The following RELB variants were observed in gnomAD, a reference collection of about 807,000 sequenced individuals.
The protein encoded by RELB is transcription factor RelB.
In RELB, 14 loss-of-function variants were observed where a neutral mutation model predicts 55.4. That is an observed-to-expected ratio of 0.25 (90% CI 0.17 to 0.40). RELB has a LOEUF of 0.40. Among genes scored for constraint, RELB ranks in the 10% least tolerant of loss-of-function variants. The pLI, the probability that RELB is intolerant of heterozygous loss-of-function variation, is 1.00. For missense variants in RELB, 669 were observed against 830.7 expected (o/e 0.81, Z 2.39); for synonymous variants, 409 against 371.3 (o/e 1.10, Z -1.17).
intron 5 of RELB, among the ~76,000 whole-genome samples, chr19:45,022,950 T>G (rs1971508101): frequency 6.6e-6 from 1 of 152,156 alleles, no homozygotes; most frequent in Non-Finnish European, 1.5e-5. Flanking sequence ...CTTTGAGCAT[T>G]TTTTCATAGT....
intron 2 of RELB, among the ~76,000 whole-genome samples, chr19:45,004,657 C>T (rs543786855): frequency 3.3e-4 from 50 of 151,030 alleles, no homozygotes; most frequent in Admixed American, 2.0e-4. Flanking sequence ...CACCTGAGGT[C>T]GGGAGTTCTA....
At chr19:45,016,659 GA>G (rs1971424159) in intron 4 of RELB, among the ~76,000 whole-genome samples, 1 of 151,966 alleles carries the variant, frequency 6.6e-6, no homozygotes, top group Non-Finnish European at 1.5e-5. Context: ...TCTCAAAAAA[GA>G]AAAAGGAAAA....
In RELB at chr19:45,037,571, G is replaced by A. The variant is rs746973860; in HGVS notation, c.1521G>A (p.Pro507=). ...TLFTMLDLLP[P]APPHASAVVC... ...TCACCATGCTGGACCTGCTGCCCCC[G>A]GCACCGCCACACGCTAGCGCTGTTG... is the stretch of plus-strand genomic sequence containing the variant. The change falls in exon 12 of 12, where the codon CCG becomes CCA. Residue 507 remains proline, a synonymous_variant. Transcript: ENST00000221452. 1.3e-5 allele frequency: 21 copies of A among 1,612,386 alleles called. No homozygotes were observed. Among genetic ancestry groups the A allele is most frequent in the African/African-American group, 6.7e-5 (5 of 74,820 alleles).
chr19:45,009,481 A>G (rs1971323204), intron 2 of RELB, among the ~76,000 whole-genome samples: 1 of 152,086 alleles, frequency 6.6e-6, no homozygotes, highest in African/African-American at 2.4e-5. Flanking sequence ...TTGGGCATCC[A>G]CTTTTTCCTG....
chr19:45,010,436 GA>G (rs1164050667), intron 3 of RELB, among the ~76,000 whole-genome samples: 3 of 151,690 alleles, frequency 2.0e-5, no homozygotes, highest in African/African-American at 7.3e-5. Context: ...TCGCAGAGCT[GA>G]TAGCCCGGTG....
intron 11 of RELB, 81 bp from the exon 12 acceptor site, chr19:45,037,324 G>T: frequency 7.3e-7 from 1 of 1,371,494 alleles, no homozygotes; most frequent in Non-Finnish European, 9.6e-7. Context: ...ACATTTTGCA[G>T]GGAGTAGGGC....
At position 45,021,914 on chromosome 19, in the gene RELB, G is replaced by A. The variant is rs369886295; in HGVS notation, c.505-139G>A. On this transcript the variant is annotated intron_variant, in intron 4 of 11. Coordinates refer to ENST00000221452, the MANE Select transcript of RELB (RefSeq NM_006509.4). ...GCAAACACATTCCATCATCCTGGTCGCGGGAGAAGGTTGGGGAGCTCCCAA... is the reference window on the plus strand; with the variant it reads ...GCAAACACATTCCATCATCCTGGTCACGGGAGAAGGTTGGGGAGCTCCCAA... 11 of 811,720 alleles carry A rather than the reference G, an allele frequency of 1.4e-5. No homozygotes were observed. The East Asian group carries it at 1.8e-4, about 13-fold the overall frequency. 50.3% of individuals were successfully genotyped at this position (811,720 alleles called of 1,614,324 possible). A position where few individuals can be genotyped will look rare whatever the true frequency, so the allele number is the denominator to read the frequency against.
intron 5 of RELB, among the ~76,000 whole-genome samples, chr19:45,024,952 C>T (rs1308056829): frequency 1.3e-5 from 2 of 152,038 alleles, no homozygotes; most frequent in South Asian, 2.1e-4. Flanking sequence ...CTCTGCCTCC[C>T]GGGTTCAAGT....
At position 45,018,881 on chromosome 19, in the gene RELB, G is replaced by A. The variant is rs4803788; in HGVS notation, c.505-3172G>A. On this transcript the variant is annotated intron_variant, in intron 4 of 11. Transcript: ENST00000221452. ...AGTAGAGACGGGGTTTCTCCATGTC[G>A]GTCAGGCTGGTCTCGAATTCCTGAC... 8.8e-4 allele frequency among the ~76,000 whole-genome samples: 133 copies of A among 151,806 alleles called. 1 individual carries two copies. Among genetic ancestry groups the A allele is most frequent in the East Asian group, 1.4e-3 (7 of 5,072 alleles).
Position 45,025,319 on chromosome 19 carries a change from A to T in RELB, c.663-10A>T. On this transcript the variant is annotated splice_polypyrimidine_tract_variant and intron_variant, in intron 5 of 11. Coordinates refer to ENST00000221452, the MANE Select transcript of RELB (RefSeq NM_006509.4). ...CGAGCACTCCTCTCCCTCCCCCGTCACCCCCTCAGTTTTAACAACCTGGGC... is the reference window on the plus strand; with the variant it reads ...CGAGCACTCCTCTCCCTCCCCCGTCTCCCCCTCAGTTTTAACAACCTGGGC... 4 of 1,602,674 alleles carry T rather than the reference A, an allele frequency of 2.5e-6. No individual in the cohort carries two copies. The highest frequency in any genetic ancestry group is 3.4e-6 in the Non-Finnish European group (4 of 1,173,824).
intron 8 of RELB, among the ~76,000 whole-genome samples, chr19:45,029,657 C>T (rs1971598251): frequency 6.6e-6 from 1 of 152,012 alleles, no homozygotes; most frequent in African/African-American, 2.4e-5. Context: ...CGACACCAGC[C>T]TCCCAACATG....
chr19:45,012,297 C>A, intron 4 of RELB, 21 bp downstream of exon 4: 1 of 1,365,926 alleles, frequency 7.3e-7, no homozygotes, highest in East Asian at 2.9e-5. Flanking sequence ...CGAGCGGCCC[C>A]GGGCGGGTGG....
In RELB at chr19:45,028,895, A is replaced by T. The variant is rs540606496; in HGVS notation, c.894A>T (p.Thr298=). The T allele has an allele frequency of 1.3e-6, 2 of 1,592,944 alleles. No individual in the cohort carries two copies. The highest frequency in any genetic ancestry group is 1.8e-5 in the Admixed American group (1 of 56,326). ...LSEPVYDKKS[T]NTSELRICRI... ...CCTCTTGCTCCTTCCCAGAATCCAC[A>T]AACACATCAGAGCTGCGGATTTGCC... The change falls in exon 8 of 12, where the codon ACA becomes ACT. Residue 298 remains threonine (T), a synonymous_variant. Transcript: ENST00000221452.
chr19:45,019,608 C>CA (rs1971459416), intron 4 of RELB, among the ~76,000 whole-genome samples: 1 of 152,114 alleles, frequency 6.6e-6, no homozygotes, highest in South Asian at 2.1e-4. Context: ...AGGATTTAAC[C>CA]AAGGATCATG....
intron 5 of RELB, 148 bp downstream of exon 5, chr19:45,022,358 T>C (rs991573842): frequency 2.4e-5 from 17 of 723,302 alleles, no homozygotes; most frequent in East Asian, 1.1e-4. Context: ...CTGGGGACAG[T>C]GGAGGGCCTC....
Position 45,032,706 on chromosome 19 carries a change from C to T in RELB, c.1164C>T (p.Val388=). 1 of 1,609,306 alleles carries T rather than the reference C, an allele frequency of 6.2e-7. No individual in the cohort carries two copies. The highest frequency in any genetic ancestry group is 8.5e-7 in the Non-Finnish European group (1 of 1,178,114). ...NVFLQRLTDG[V]CSEPLPFTYL... ...TCCTGCAGCGGCTCACCGATGGGGT[C>T]TGCAGCGAGCCATTGCCTTTCACGT... Residue 388 remains valine (V), a synonymous_variant, in exon 9 of 12, where the codon GTC becomes GTT. Transcript: ENST00000221452.
chr19:45,013,389 C>T (rs569793411), intron 4 of RELB, among the ~76,000 whole-genome samples: 2 of 152,126 alleles, frequency 1.3e-5, no homozygotes, highest in African/African-American at 2.4e-5. Flanking sequence ...GATCCGCATG[C>T]CTTGGCCTTC....
intron 8 of RELB, among the ~76,000 whole-genome samples, chr19:45,031,915 A>G (rs1290912304): frequency 2.0e-5 from 3 of 151,866 alleles, no homozygotes; most frequent in Non-Finnish European, 4.4e-5. Context: ...AATTGTTATA[A>G]GGATTAAATG....
chr19:45,034,131 C>A, intron 9 of RELB, 113 bp from the exon 10 acceptor site: 1 of 801,306 alleles, frequency 1.2e-6, no homozygotes, highest in Non-Finnish European at 1.9e-6. Flanking sequence ...TGCACTCCAG[C>A]CTGGTCAACA....
Sources: allele counts gnomAD v4.1 joint callset (sites outside exome capture counted in the v4.1 genomes callset), GRCh38; gene constraint gnomAD v4.1.1; transcripts MANE v1.5; gene names NCBI Gene and HGNC (gene_info 2026-07-23, HGNC 2026-07-21).